Variants in ZNF10 observed in about 807,000 individuals in gnomAD.
The protein encoded by ZNF10 is zinc finger protein 10 (KOX 1).
In ZNF10, 8 loss-of-function variants were observed where a neutral mutation model predicts 12.2. The ratio of observed to expected loss-of-function variants is 0.66; its 90% CI spans 0.39 to 1.18. The LOEUF (loss-of-function observed/expected upper bound fraction) is 1.18. Ranked by LOEUF, ZNF10 falls within the 50% of genes most tolerant of loss-of-function variation. ZNF10 has a pLI of 0.01. For missense variants in ZNF10, 603 were observed against 678.9 expected (o/e 0.89, Z 1.24); for synonymous variants, 229 against 228.2 (o/e 1.00, Z -0.03).
At chr12:133,146,643 C>T (rs573844518) in intron 2 of ZNF10, among the ~76,000 whole-genome samples, 3 of 151,954 alleles carry the variant, frequency 2.0e-5, no homozygotes, top group Non-Finnish European at 4.4e-5. Flanking sequence ...GTCAGGAGTT[C>T]GAGACCAGCC....
chr12:133,134,312 C>CA (rs922562262), intron 1 of ZNF10, among the ~76,000 whole-genome samples: 67 of 138,420 alleles, frequency 4.8e-4, no homozygotes, highest in African/African-American at 9.0e-4. Flanking sequence ...GACTCCCTCT[C>CA]AAAAAAAAAA....
Position 133,156,270 on chromosome 12 carries a change from A to G in ZNF10, c.1024A>G (p.Thr342Ala), listed in dbSNP as rs767184207. The G allele has an allele frequency of 1.9e-6, 3 of 1,614,194 alleles. No individual in the cohort carries two copies. The highest frequency in any genetic ancestry group is 2.5e-6 in the Non-Finnish European group (3 of 1,180,022). ...CTCTCACCTTGTTACTCATCAGAGA[A>G]CTCATACAGGAGACAAACTGTACAC... Reference protein sequence around the residue: ...WFSHLVTHQRTHTGDKLYTCN... With the variant: ...WFSHLVTHQRAHTGDKLYTCN... The change falls in exon 5 of 5, where the codon ACT becomes GCT. Residue 342 changes from threonine to alanine, a missense_variant. Thr to Ala is a moderately conservative substitution (Grantham distance 58). Coordinates refer to ENST00000248211, the MANE Select transcript of ZNF10 (RefSeq NM_015394.5).
chr12:133,134,880 A>G (rs1433760277), intron 1 of ZNF10, among the ~76,000 whole-genome samples: 1 of 152,216 alleles, frequency 6.6e-6, no homozygotes, highest in African/African-American at 2.4e-5. Context: ...TAAAGCTCAC[A>G]TTGTGGAATG....
At chr12:133,151,450 C>T (rs899016051) in intron 3 of ZNF10, among the ~76,000 whole-genome samples, 1 of 152,088 alleles carries the variant, frequency 6.6e-6, no homozygotes, top group African/African-American at 2.4e-5. Context: ...TTGAGACCAT[C>T]CTGACCAACA....
chr12:133,155,716 T>C lies in ZNF10; in HGVS notation c.470T>C (p.Val157Ala). The change falls in exon 5 of 5, where the codon GTA becomes GCA. Residue 157 changes from valine to alanine, a missense_variant. Physicochemically the swap from Val to Ala is moderately conservative, Grantham distance 64. Coordinates refer to ENST00000248211, the MANE Select transcript of ZNF10 (RefSeq NM_015394.5). ...CAAGTGGCATTCACCCAAAAGAAAG[T>C]ACTTACTCAGGAGAGAGTCTCTGAA... ...LRQVAFTQKK[V>A]LTQERVSESG... 1 of 1,611,966 alleles carries C rather than the reference T, an allele frequency of 6.2e-7. No individual in the cohort carries two copies. Among genetic ancestry groups the C allele is most frequent in the Non-Finnish European group, 8.5e-7 (1 of 1,179,262 alleles).
intron 1 of ZNF10, among the ~76,000 whole-genome samples, chr12:133,132,269 ATTT>A (rs34602690): frequency 2.8e-5 from 4 of 141,082 alleles, no homozygotes; most frequent in African/African-American, 2.6e-5. Flanking sequence ...AAATCTGAGA[ATTT>A]TTTTTTTTTT....
chr12:133,142,410 CAAAAAA>C (rs370374280), intron 1 of ZNF10, among the ~76,000 whole-genome samples: 4,406 of 108,650 alleles, frequency 0.041, 227 homozygotes, highest in African/African-American at 0.14. Flanking sequence ...ACTCCGTCTC[CAAAAAA>C]AAAAAAAAAA....
rs1432207855 is a variant in ZNF10 at position 133,156,032 on chromosome 12, G to A, written c.786G>A (p.Glu262=). ...GTATATCAAAGGGCATACATAGAGAGAAACCCTATGAATGTAAGGAATGTG... is the reference window on the plus strand; with the variant it reads ...GTATATCAAAGGGCATACATAGAGAAAAACCCTATGAATGTAAGGAATGTG... ...SLGISKGIHR[E]KPYECKECGK... is the part of the protein sequence containing the mutation. The change falls in exon 5 of 5, where the codon GAG becomes GAA. Residue 262 remains glutamate, a synonymous_variant. Coordinates refer to ENST00000248211, the MANE Select transcript of ZNF10 (RefSeq NM_015394.5). The A allele has an allele frequency of 1.2e-6, 2 of 1,613,680 alleles. No homozygotes were observed. The highest frequency in any genetic ancestry group is 3.3e-5 in the Admixed American group (2 of 60,018).
chr12:133,131,482 A>C (rs954132230), intron 1 of ZNF10, among the ~76,000 whole-genome samples: 1 of 144,018 alleles, frequency 6.9e-6, no homozygotes, highest in South Asian at 2.2e-4. Flanking sequence ...ACTGTTAATT[A>C]AAAAAAAAAA....
At chr12:133,144,816 T>C in intron 2 of ZNF10, 1 of 498,206 alleles carries the variant, frequency 2.0e-6, no homozygotes. Flanking sequence ...GACTGGAGGC[T>C]AATACAAGAA....
intron 1 of ZNF10, among the ~76,000 whole-genome samples, chr12:133,135,642 CTTT>C (rs970149803): frequency 5.3e-5 from 8 of 152,204 alleles, no homozygotes; most frequent in Non-Finnish European, 1.0e-4. Flanking sequence ...TCTCCTGGCT[CTTT>C]TTATGTCCTT....
chr12:133,149,923 T>C (rs550731780), intron 2 of ZNF10, among the ~76,000 whole-genome samples: 1 of 152,180 alleles, frequency 6.6e-6, no homozygotes, highest in South Asian at 2.1e-4. Flanking sequence ...AATATACATA[T>C]CTAATCTTTT....
At position 133,156,932 on chromosome 12, in the gene ZNF10, A is replaced by C. The variant is rs757137747; in HGVS notation, c.1686A>C (p.Gly562=). 5.6e-6 allele frequency: 8 copies of C among 1,438,414 alleles called. No homozygotes were observed. The highest frequency in any genetic ancestry group is 6.4e-6 in the Non-Finnish European group (7 of 1,094,084). 89.1% of individuals were successfully genotyped at this position (1,438,414 alleles called of 1,614,324 possible). A position where few individuals can be genotyped will look rare whatever the true frequency, so the allele number is the denominator to read the frequency against. Residue 562 remains glycine (G), a synonymous_variant, in exon 5 of 5, where the codon GGA becomes GGC. Transcript: ENST00000248211. The part of the protein sequence containing the change: ...TALVNTSNLI[G]YQTNHIRENA... ...TTGTTAATACCTCTAACCTTATTGG[A>C]TACCAGACAAATCATATTAGAGAAA...
intron 2 of ZNF10, among the ~76,000 whole-genome samples, chr12:133,149,778 CT>C (rs879826290): frequency 2.0e-5 from 3 of 150,964 alleles, no homozygotes; most frequent in Non-Finnish European, 4.4e-5. Context: ...ATTATATGTT[CT>C]CTGTATATCT....
At chr12:133,154,122 G>T (rs565760010) in intron 4 of ZNF10, among the ~76,000 whole-genome samples, 2,328 of 151,746 alleles carry the variant, frequency 0.015, 17 homozygotes, top group Middle Eastern at 0.031. Context: ...TTGTCGGCGG[G>T]GGGGATACAG....
At chr12:133,144,589 A>T in intron 2 of ZNF10, 64 bp downstream of exon 2, 1 of 1,493,182 alleles carries the variant, frequency 6.7e-7, no homozygotes, top group Non-Finnish European at 9.2e-7. Flanking sequence ...TCCTTTGCCA[A>T]AGATCTTCAG....
intron 4 of ZNF10, among the ~76,000 whole-genome samples, chr12:133,155,007 G>A (rs571032933): frequency 6.6e-6 from 1 of 152,144 alleles, no homozygotes; most frequent in East Asian, 1.9e-4. Flanking sequence ...GAACCTGGGA[G>A]GCGGAGGTTG....
At chr12:133,144,398 T>C in intron 1 of ZNF10, 36 bp from the exon 2 acceptor site, 1 of 1,388,408 alleles carries the variant, frequency 7.2e-7, no homozygotes. Context: ...CTCCCAGTCA[T>C]AGCAAACTTA....
chr12:133,147,768 G>A (rs150076081), intron 2 of ZNF10, among the ~76,000 whole-genome samples: 2,152 of 150,902 alleles, frequency 0.014, 61 homozygotes, highest in African/African-American at 0.049. Flanking sequence ...GGTGCATGAC[G>A]CCATGCCTGG....
Sources: allele counts gnomAD v4.1 joint callset (sites outside exome capture counted in the v4.1 genomes callset), GRCh38; gene constraint gnomAD v4.1.1; transcripts MANE v1.5; gene names NCBI Gene and HGNC (gene_info 2026-07-23, HGNC 2026-07-21).